The following ZBTB46 variants were observed in gnomAD, a reference collection of about 807,000 sequenced individuals.
The protein encoded by ZBTB46 is zinc finger and BTB domain containing 46, also known as zinc finger and BTB domain-containing protein 46.
ZBTB46 carries 8 observed loss-of-function variants against 44.1 expected under a neutral mutation model. The ratio of observed to expected loss-of-function variants is 0.18; its 90% CI spans 0.11 to 0.33. ZBTB46 has a LOEUF of 0.33. Ranked by LOEUF, ZBTB46 falls within the 10% of genes least tolerant of loss-of-function variation. The pLI, the probability that ZBTB46 is intolerant of heterozygous loss-of-function variation, is 1.00. For synonymous variants in ZBTB46, 409 were observed against 382.3 expected (o/e 1.07, Z -0.81); for missense variants, 651 against 847.7 (o/e 0.77, Z 2.88).
chr20:63,780,682 G>C (rs1451646708), intron 2 of ZBTB46, among the ~76,000 whole-genome samples: 1 of 149,728 alleles, frequency 6.7e-6, no homozygotes, highest in Non-Finnish European at 1.5e-5. Context: ...GGCGCCTGTA[G>C]TCCCAGCTAC....
At chr20:63,809,600 A>C (rs1459559908) in intron 1 of ZBTB46, among the ~76,000 whole-genome samples, 3 of 152,206 alleles carry the variant, frequency 2.0e-5, no homozygotes, top group Non-Finnish European at 4.4e-5. Context: ...AGTGTGGCTT[A>C]ACTCAATGAT....
intron 1 of ZBTB46, among the ~76,000 whole-genome samples, chr20:63,811,478 G>A (rs186812855): frequency 2.0e-5 from 3 of 152,290 alleles, no homozygotes; most frequent in Admixed American, 1.3e-4. Flanking sequence ...GGAAGGATAC[G>A]ACTGTCACCT....
At chr20:63,768,719 CAGGA>C (rs2145831675) in intron 3 of ZBTB46, among the ~76,000 whole-genome samples, 1 of 152,250 alleles carries the variant, frequency 6.6e-6, no homozygotes, top group East Asian at 1.9e-4. Context: ...ACTTCAGGCA[CAGGA>C]AGGAGAATGC....
chr20:63,805,273 T>C (rs536930001), intron 1 of ZBTB46, among the ~76,000 whole-genome samples: 1 of 152,252 alleles, frequency 6.6e-6, no homozygotes, highest in South Asian at 2.1e-4. Flanking sequence ...ATTTCAAAAA[T>C]GTCTCATACT....
intron 3 of ZBTB46, among the ~76,000 whole-genome samples, chr20:63,772,711 CCT>C (rs1403256427): frequency 2.0e-5 from 3 of 146,368 alleles, no homozygotes; most frequent in Admixed American, 6.9e-5. Flanking sequence ...AGAGCGAGAC[CCT>C]GTCTCAAAAA....
rs549477407 is a variant in ZBTB46 at position 63,774,963 on chromosome 20, A to C, written c.1222+715T>G. On this transcript the variant is annotated intron_variant, in intron 3 of 4. Coordinates refer to ENST00000245663, the MANE Select transcript of ZBTB46 (RefSeq NM_001369741.1). ...CGTGGTCTGCCCGCCTCAGCCTCCC[A>C]AAGTGCTGGGATTGCAGGCGTGAGC... Among the ~76,000 whole-genome samples, 76 of 151,912 alleles carry C rather than the reference A, an allele frequency of 5.0e-4. 2 individuals carry two copies. The South Asian group carries it at 0.016, about 32-fold the overall frequency.
intron 4 of ZBTB46, among the ~76,000 whole-genome samples, chr20:63,748,228 G>A (rs573619295): frequency 6.6e-6 from 1 of 152,358 alleles, no homozygotes; most frequent in South Asian, 2.1e-4. Flanking sequence ...GAGGGCAGTC[G>A]TGCTGTGCCC....
rs2092083727 is a variant in ZBTB46, at chr20:63,745,858, A to C, written c.*1072T>G. On this transcript the variant is annotated 3_prime_UTR_variant, in exon 5 of 5. Transcript: ENST00000245663. ...AACATGTGAGTGCTTCTGAAAACAC[A>C]GCAAGAGGACTTGAGCACAAGCTAA... is the stretch of plus-strand genomic sequence containing the variant. 1 of 152,504 alleles carries C rather than the reference A, an allele frequency of 6.6e-6. No homozygotes were observed. Among genetic ancestry groups the C allele is most frequent in the African/African-American group, 2.4e-5 (1 of 41,486 alleles). 9.4% of individuals were successfully genotyped at this position (152,504 alleles called of 1,614,324 possible). A position where few individuals can be genotyped will look rare whatever the true frequency, so the allele number is the denominator to read the frequency against.
intron 2 of ZBTB46, among the ~76,000 whole-genome samples, chr20:63,776,337 C>G (rs535721903): frequency 1.1e-4 from 16 of 152,190 alleles, no homozygotes; most frequent in South Asian, 4.1e-4. Flanking sequence ...CTCGCAAAGA[C>G]GAGGAGAGGC....
rs949629563 is a variant in ZBTB46, at chr20:63,752,159, T to A, written c.1398+527A>T. 2.0e-5 allele frequency among the ~76,000 whole-genome samples: 3 copies of A among 152,194 alleles called. No homozygotes were observed. The highest frequency in any genetic ancestry group is 7.2e-5 in the African/African-American group (3 of 41,446). ...ACTGGTTGATCTCACCCACTTGAGA[T>A]GCCCTCGCCAGGCCTTTTTTGGCAA... On this transcript the variant is annotated intron_variant, in intron 4 of 4. Coordinates refer to ENST00000245663, the MANE Select transcript of ZBTB46 (RefSeq NM_001369741.1). This position sits in a 1 kb window ranked among gnomAD's most constrained non-coding sequence, Gnocchi z 5.6.
intron 1 of ZBTB46, among the ~76,000 whole-genome samples, chr20:63,805,109 C>T (rs1162304982): frequency 1.3e-5 from 2 of 151,540 alleles, no homozygotes; most frequent in Non-Finnish European, 2.9e-5. Flanking sequence ...TTAGTAGAGA[C>T]GGGGTTTCAC....
At chr20:63,791,818 T>C (rs2092563309) in intron 1 of ZBTB46, among the ~76,000 whole-genome samples, 1 of 152,220 alleles carries the variant, frequency 6.6e-6, no homozygotes. Flanking sequence ...GTACACCCCG[T>C]CCCGGAGTCT....
chr20:63,790,746 T>C lies in ZBTB46; in HGVS notation c.12A>G (p.Arg4=), dbSNP rs749304285. 6.2e-7 allele frequency: 1 copy of C among 1,602,504 alleles called. No homozygotes were observed. Among genetic ancestry groups the C allele is most frequent in the South Asian group, 1.1e-5 (1 of 90,832 alleles). Residue 4 remains arginine (R), a synonymous_variant, in exon 2 of 5, where the codon CGA becomes CGG. Coordinates refer to ENST00000245663, the MANE Select transcript of ZBTB46 (RefSeq NM_001369741.1). The stretch of plus-strand genomic sequence containing the variant: ...GGGACGTGATTTCCATATCTTCCTT[T>C]CGGTTGTTCATTTGGAAGCCCTGGT... MNN[R]KEDMEITSHY...
At chr20:63,831,007 C>G (rs2092847944) in intron 1 of ZBTB46, 90 bp downstream of exon 1, 1 of 142,632 alleles carries the variant, frequency 7.0e-6, no homozygotes, top group African/African-American at 2.5e-5. Context: ...GGGCTCGCAG[C>G]GGCCCCGGCT....
chr20:63,813,011 T>C (rs900588316), intron 1 of ZBTB46, among the ~76,000 whole-genome samples: 2 of 152,018 alleles, frequency 1.3e-5, no homozygotes, highest in Non-Finnish European at 2.9e-5. Flanking sequence ...GGCAGCAGAA[T>C]TGCTTGAACA....
chr20:63,750,086 A>G (rs1416562221), intron 4 of ZBTB46, among the ~76,000 whole-genome samples: 1 of 152,210 alleles, frequency 6.6e-6, no homozygotes, highest in Admixed American at 6.5e-5. Context: ...AGGCCAGGGA[A>G]GGGCTGACAG....
Position 63,774,300 on chromosome 20 carries a change from C to T in ZBTB46, c.1222+1378G>A, listed in dbSNP as rs184125833. 9.9e-5 allele frequency among the ~76,000 whole-genome samples: 15 copies of T among 152,184 alleles called. 1 individual carries two copies. Among genetic ancestry groups the T allele is most frequent in the East Asian group, 3.9e-4 (2 of 5,184 alleles). On this transcript the variant is annotated intron_variant, in intron 3 of 4. Coordinates refer to ENST00000245663, the MANE Select transcript of ZBTB46 (RefSeq NM_001369741.1). ...GTTGGCATCAGTGCTCACACCAACG[C>T]GAAAATTCGAAAGAATATTTTAGTG...
chr20:63,804,442 G>A (rs2092668733), intron 1 of ZBTB46, among the ~76,000 whole-genome samples: 2 of 152,148 alleles, frequency 1.3e-5, no homozygotes, highest in South Asian at 2.1e-4. Context: ...AATGGACACA[G>A]CCTCCCCCTC....
Position 63,746,924 on chromosome 20 carries a change from G to A in ZBTB46, c.*6C>T. On this transcript the variant is annotated 3_prime_UTR_variant, in exon 5 of 5. Coordinates refer to ENST00000245663, the MANE Select transcript of ZBTB46 (RefSeq NM_001369741.1). Reference sequence around the variant, plus strand: ...AGGCAGCCACCGACCCTGCCGGCGGGCGGGCCTAGGAGAGCCAGGCGAAGT... The same window carrying A: ...AGGCAGCCACCGACCCTGCCGGCGGACGGGCCTAGGAGAGCCAGGCGAAGT... 6.6e-7 allele frequency: 1 copy of A among 1,519,710 alleles called. No homozygotes were observed. The highest frequency in any genetic ancestry group is 8.8e-7 in the Non-Finnish European group (1 of 1,135,124). 94.1% of individuals were successfully genotyped at this position (1,519,710 alleles called of 1,614,324 possible). A position where few individuals can be genotyped will look rare whatever the true frequency, so the allele number is the denominator to read the frequency against.
Sources: allele counts gnomAD v4.1 joint callset (sites outside exome capture counted in the v4.1 genomes callset), GRCh38; gene constraint gnomAD v4.1.1; non-coding constraint Gnocchi (gnomAD v3.1); transcripts MANE v1.5; gene names NCBI Gene and HGNC (gene_info 2026-07-23, HGNC 2026-07-21).